AFF4: variants seen among roughly 807,000 people sequenced by gnomAD.
AFF4 encodes the protein AF4/FMR2 family member 4.
AFF4 carries 13 observed loss-of-function variants against 124.8 expected under a neutral mutation model. The ratio of observed to expected loss-of-function variants is 0.10; its 90% CI spans 0.07 to 0.17. The LOEUF is 0.17. Among genes scored for constraint, AFF4 ranks in the 10% least tolerant of loss-of-function variants. AFF4 has a pLI of 1.00. For synonymous variants in AFF4, 477 were observed against 496.1 expected (o/e 0.96, Z 0.51); for missense variants, 1,092 against 1,403.8 (o/e 0.78, Z 3.55).
At chr5:132,899,073 C>T (rs1199166853) in intron 9 of AFF4, 31 bp downstream of exon 9, 2 of 1,603,876 alleles carry the variant, frequency 1.2e-6, no homozygotes, top group Non-Finnish European at 1.7e-6. Context: ...CCAACTCTTA[C>T]CAATAAAACA....
At position 132,885,842 on chromosome 5, in the gene AFF4, C is replaced by T. The variant is rs373976156; in HGVS notation, c.3099+468G>A. ...AGGCTGGAGTGCAGTGGCATGACCT[C>T]GGCTCACTGCAGCCTCCGCCTCCAG... On this transcript the variant is annotated intron_variant, in intron 18 of 20. Coordinates refer to ENST00000265343, the MANE Select transcript of AFF4 (RefSeq NM_014423.4). 4.6e-5 allele frequency among the ~76,000 whole-genome samples: 7 copies of T among 152,254 alleles called. No individual in the cohort carries two copies. The East Asian group carries it at 1.4e-3, about 29-fold the overall frequency.
chr5:132,897,270 T>C (rs1272714683), intron 10 of AFF4, 30 bp from the exon 11 acceptor site: 3 of 1,593,310 alleles, frequency 1.9e-6, no homozygotes, highest in African/African-American at 1.3e-5. Flanking sequence ...GTATGCTTTT[T>C]TCGATACTGA....
At chr5:132,886,212 G>C in intron 18 of AFF4, 98 bp downstream of exon 18, 1 of 981,840 alleles carries the variant, frequency 1.0e-6, no homozygotes, top group Non-Finnish European at 1.5e-6. Flanking sequence ...TCCTCCCCTG[G>C]TGTGTTTTGC....
At chr5:132,889,872 T>A (rs1271732678) in intron 13 of AFF4, among the ~76,000 whole-genome samples, 2 of 152,100 alleles carry the variant, frequency 1.3e-5, no homozygotes, top group Non-Finnish European at 2.9e-5. Flanking sequence ...TAGGCTCAAG[T>A]GATCCTCCCA....
chr5:132,898,206 G>C (rs1321067380), intron 10 of AFF4, 24 bp downstream of exon 10: 2 of 1,613,098 alleles, frequency 1.2e-6, no homozygotes, highest in Non-Finnish European at 1.7e-6. Context: ...GCCTGTGGAA[G>C]GTACCCCACC....
intron 13 of AFF4, 80 bp from the exon 14 acceptor site, chr5:132,889,253 G>C: frequency 1.0e-6 from 1 of 991,078 alleles, no homozygotes; most frequent in Non-Finnish European, 1.5e-6. Flanking sequence ...TCAGCCACTG[G>C]TAAAAAGGAA....
chr5:132,937,216 T>G, intron 1 of AFF4, 23 bp from the exon 2 acceptor site: 1 of 1,584,348 alleles, frequency 6.3e-7, no homozygotes, highest in Non-Finnish European at 8.6e-7. Flanking sequence ...ACACAATCTT[T>G]GTATCACAGA....
chr5:132,956,654 A>C (rs1020307787), intron 1 of AFF4, among the ~76,000 whole-genome samples: 6 of 150,138 alleles, frequency 4.0e-5, no homozygotes, highest in South Asian at 2.1e-4. Flanking sequence ...AAAAAGAGAG[A>C]GCGAGAGAAA....
intron 11 of AFF4, among the ~76,000 whole-genome samples, chr5:132,894,380 A>T (rs774303505): frequency 6.6e-6 from 1 of 152,218 alleles, no homozygotes; most frequent in Non-Finnish European, 1.5e-5. Flanking sequence ...AGTGACTCAA[A>T]AAACTTTCTG....
chr5:132,877,309 C>T lies in AFF4; in HGVS notation c.*3750G>A, dbSNP rs552403820. The T allele has an allele frequency of 4.0e-4, 84 of 211,578 alleles. No homozygotes were observed. The highest frequency in any genetic ancestry group is 1.4e-3 in the Middle Eastern group (1 of 690). The allele number at this position is 211,578 out of a possible 1,614,324, so 13.1% of individuals were successfully genotyped here. ...AGAGCCCTACGACACTACAGAAGGG[C>T]TCAAATACATTTTAAAAGTTAATTT... On this transcript the variant is annotated 3_prime_UTR_variant, in exon 21 of 21. Coordinates refer to ENST00000265343, the MANE Select transcript of AFF4 (RefSeq NM_014423.4).
chr5:132,934,953 T>A lies in AFF4; in HGVS notation c.124-12A>T, dbSNP rs758151576. 3.4e-6 allele frequency: 5 copies of A among 1,467,896 alleles called. No homozygotes were observed. Among genetic ancestry groups the A allele is most frequent in the Non-Finnish European group, 3.6e-6 (4 of 1,097,354 alleles). 90.9% of individuals were successfully genotyped at this position (1,467,896 alleles called of 1,614,324 possible). On this transcript the variant is annotated splice_polypyrimidine_tract_variant and intron_variant, in intron 2 of 20. Transcript: ENST00000265343. ...TCTTCTTTGCTAGTCTACAAAAAAA[T>A]AAAATAAAATAAAATTATAAAATGA...
At chr5:132,909,548 GTGTATC>G (rs1760745964) in intron 5 of AFF4, among the ~76,000 whole-genome samples, 1 of 152,208 alleles carries the variant, frequency 6.6e-6, no homozygotes, top group Non-Finnish European at 1.5e-5. Flanking sequence ...GTGTGTGTGT[GTGTATC>G]TGTGTGTGAG....
chr5:132,889,277 GC>G (rs1760196838), intron 13 of AFF4, 104 bp from the exon 14 acceptor site: 4 of 716,060 alleles, frequency 5.6e-6, no homozygotes, highest in Non-Finnish European at 9.2e-6. Flanking sequence ...AAATTTCATT[GC>G]CTTTCATAAT....
chr5:132,932,115 G>A (rs1391755267), intron 4 of AFF4, 63 bp downstream of exon 4: 3 of 1,217,192 alleles, frequency 2.5e-6, no homozygotes, highest in African/African-American at 1.5e-5. Flanking sequence ...TAGAAAGAGG[G>A]TAAGAAGGTG....
chr5:132,930,549 A>T (rs1489003637), intron 4 of AFF4, among the ~76,000 whole-genome samples: 1 of 152,160 alleles, frequency 6.6e-6, no homozygotes, highest in Admixed American at 6.5e-5. Flanking sequence ...AGTGGGCTAA[A>T]GGAAGGAATG....
rs201228351 is a variant in AFF4 at position 132,898,218 on chromosome 5, C to A, written c.1389+12G>T. ...AGGGCCTGTGGAAGGTACCCCACCGCCTCTGTCTCACCTCGGGAGATGCAC... is the reference window on the plus strand; with the variant it reads ...AGGGCCTGTGGAAGGTACCCCACCGACTCTGTCTCACCTCGGGAGATGCAC... On this transcript the variant is annotated intron_variant, in intron 10 of 20. Coordinates refer to ENST00000265343, the MANE Select transcript of AFF4 (RefSeq NM_014423.4). The A allele has an allele frequency of 1.1e-4, 184 of 1,613,984 alleles. No individual in the cohort carries two copies. The Middle Eastern group carries it at 2.6e-3, about 23-fold the overall frequency.
chr5:132,880,953 T>C lies in AFF4; in HGVS notation c.*106A>G, dbSNP rs928193714. 4 of 1,404,240 alleles carry C rather than the reference T, an allele frequency of 2.8e-6. No homozygotes were observed. In the African/African-American group the frequency reaches 5.8e-5, roughly 20 times the overall value. The allele number at this position is 1,404,240 out of a possible 1,614,324, so 87.0% of individuals were successfully genotyped here. A position where few individuals can be genotyped will look rare whatever the true frequency, so the allele number is the denominator to read the frequency against. On this transcript the variant is annotated 3_prime_UTR_variant, in exon 21 of 21. Transcript: ENST00000265343. Reference sequence around the variant, plus strand: ...ACACATGAACCAACGAGGAGAAAACTATTCCTCATTCTTAGTGTCGACTAG... The same window carrying C: ...ACACATGAACCAACGAGGAGAAAACCATTCCTCATTCTTAGTGTCGACTAG...
chr5:132,886,559 T>C (rs1220879386), intron 17 of AFF4, among the ~76,000 whole-genome samples, 156 bp from the exon 18 acceptor site: 1 of 152,214 alleles, frequency 6.6e-6, no homozygotes, highest in African/African-American at 2.4e-5. Context: ...GTGTTCTTAT[T>C]GTGGTACACA....
At chr5:132,960,287 T>A (rs10223229) in intron 1 of AFF4, among the ~76,000 whole-genome samples, 22,447 of 152,146 alleles carry the variant, frequency 0.15, 1,885 homozygotes, top group Middle Eastern at 0.2. Flanking sequence ...TAGAAAAGTC[T>A]TCATAGTGAG....
Sources: gnomAD v4.1 joint callset for allele counts (sites outside exome capture counted in the v4.1 genomes callset) on GRCh38, gnomAD v4.1.1 for gene constraint, MANE v1.5 for transcripts, NCBI Gene and HGNC (gene_info 2026-07-23, HGNC 2026-07-21) for gene names.